Variants in TTC29 observed in about 807,000 individuals in gnomAD.
TTC29 encodes the protein tetratricopeptide repeat protein 29.
TTC29 carries 49 observed loss-of-function variants against 58.1 expected under a neutral mutation model. The ratio of observed to expected loss-of-function variants is 0.84; its 90% CI spans 0.67 to 1.07. TTC29 has a LOEUF of 1.07. TTC29 is among the 50% of genes least tolerant of loss of function. The pLI is 0.00. For synonymous variants in TTC29, 209 were observed against 196.8 expected, an observed-to-expected ratio of 1.06 and a Z score of -0.52; for missense variants, 582 against 555.6, an observed-to-expected ratio of 1.05 and a Z score of -0.48.
At chr4:146,900,559 A>G (rs1733073755) in intron 6 of TTC29, among the ~76,000 whole-genome samples, 1 of 152,210 alleles carries the variant, frequency 6.6e-6, no homozygotes, top group African/African-American at 2.4e-5. Flanking sequence ...TGCCGTGCGT[A>G]CTAACCACAG....
chr4:146,775,392 T>C (rs1337386805), intron 11 of TTC29, among the ~76,000 whole-genome samples: 1 of 152,128 alleles, frequency 6.6e-6, no homozygotes, highest in African/African-American at 2.4e-5. Flanking sequence ...AACAATCTTT[T>C]CTTTCCATAT....
chr4:146,838,055 A>G (rs1184271154), intron 8 of TTC29, among the ~76,000 whole-genome samples: 1 of 152,036 alleles, frequency 6.6e-6, no homozygotes, highest in East Asian at 1.9e-4. Flanking sequence ...AATTGCTCCA[A>G]TAGTTTCAGT....
chr4:146,772,271 A>C (rs1747797147), intron 11 of TTC29, among the ~76,000 whole-genome samples: 1 of 151,970 alleles, frequency 6.6e-6, no homozygotes, highest in Non-Finnish European at 1.5e-5. Flanking sequence ...CCATTTGTCA[A>C]TTTTTATTTT....
At chr4:146,943,652 TTTA>T (rs1484594723) in intron 2 of TTC29, among the ~76,000 whole-genome samples, 1 of 152,202 alleles carries the variant, frequency 6.6e-6, no homozygotes, top group African/African-American at 2.4e-5. Context: ...TGATCTGAAT[TTTA>T]TGACAGAGTT....
chr4:146,885,112 G>C (rs1413991530), intron 6 of TTC29, among the ~76,000 whole-genome samples: 1 of 151,906 alleles, frequency 6.6e-6, no homozygotes, highest in African/African-American at 2.4e-5. Context: ...AGTTTACCCA[G>C]GGCTTTCCTG....
At chr4:146,823,750 A>G (rs1751995695) in intron 9 of TTC29, among the ~76,000 whole-genome samples, 1 of 152,032 alleles carries the variant, frequency 6.6e-6, no homozygotes, top group Non-Finnish European at 1.5e-5. Context: ...ATGTTTCTCC[A>G]TTTGTTTGTT....
chr4:146,815,649 A>T (rs1334605881), intron 10 of TTC29, among the ~76,000 whole-genome samples: 1 of 152,232 alleles, frequency 6.6e-6, no homozygotes, highest in East Asian at 1.9e-4. Flanking sequence ...TGCCTAAATA[A>T]TATTCTAAAG....
In TTC29 at chr4:146,817,766, A is replaced by G. The variant is rs538205424; in HGVS notation, c.1101+2359T>C. ...ATCAATGGAACAGAACAGAGCCCTC[A>G]GAAATAACGCCATGTATCTACAAGT... On this transcript the variant is annotated intron_variant, in intron 10 of 12. Transcript: ENST00000325106. Among the ~76,000 whole-genome samples the G allele has an allele frequency of 2.2e-3, 335 of 152,338 alleles. 1 individual carries two copies. The highest frequency in any genetic ancestry group is 7.7e-3 in the African/African-American group (319 of 41,572).
chr4:146,906,821 A>G (rs1279658060), intron 5 of TTC29, among the ~76,000 whole-genome samples: 1 of 152,200 alleles, frequency 6.6e-6, no homozygotes, highest in Non-Finnish European at 1.5e-5. Context: ...GACTTTGGCT[A>G]TTATAACTTT....
rs577564605 is a variant in TTC29 at position 146,804,737 on chromosome 4, A to G, written c.1102-1052T>C. 2.0e-5 allele frequency among the ~76,000 whole-genome samples: 3 copies of G among 152,308 alleles called. No individual in the cohort carries two copies. The East Asian group carries it at 5.8e-4, about 29-fold the overall frequency. ...TGAAAGAAAGGCAGCAGCCCCAGTC[A>G]GGGGCTTATAGATAAAACTCCCATC... On this transcript the variant is annotated intron_variant, in intron 10 of 12. Transcript: ENST00000325106.
intron 6 of TTC29, among the ~76,000 whole-genome samples, chr4:146,886,661 G>A (rs1732003095): frequency 6.6e-6 from 1 of 152,036 alleles, no homozygotes; most frequent in Non-Finnish European, 1.5e-5. Flanking sequence ...AATTTTTCCT[G>A]GGTGAGTCCT....
intron 8 of TTC29, among the ~76,000 whole-genome samples, chr4:146,840,936 C>G (rs1449363654): frequency 6.6e-6 from 1 of 152,092 alleles, no homozygotes; most frequent in African/African-American, 2.4e-5. Flanking sequence ...AGAAAGTGTG[C>G]TTTAAAAAGC....
chr4:146,727,338 T>C (rs781770832), intron 11 of TTC29, among the ~76,000 whole-genome samples: 2 of 152,218 alleles, frequency 1.3e-5, no homozygotes, highest in Admixed American at 1.3e-4. Flanking sequence ...TGGATGAACC[T>C]ACCTTGACAA....
At chr4:146,875,649 C>A (rs1460162087) in intron 6 of TTC29, among the ~76,000 whole-genome samples, 8 of 152,168 alleles carry the variant, frequency 5.3e-5, no homozygotes, top group Non-Finnish European at 1.5e-5. Flanking sequence ...CTGTTACAAA[C>A]TTCAAATCCA....
At chr4:146,764,557 C>A (rs891373897) in intron 11 of TTC29, among the ~76,000 whole-genome samples, 14 of 151,986 alleles carry the variant, frequency 9.2e-5, no homozygotes, top group African/African-American at 3.4e-4. Flanking sequence ...AGAAAAAAAA[C>A]CTTAAAATAG....
chr4:146,811,810 C>T (rs1441616234), intron 10 of TTC29, among the ~76,000 whole-genome samples: 1 of 152,172 alleles, frequency 6.6e-6, no homozygotes, highest in Non-Finnish European at 1.5e-5. Context: ...AATAGAACTT[C>T]TGTGATCATT....
chr4:146,813,923 G>T (rs536713247), intron 10 of TTC29, among the ~76,000 whole-genome samples: 3 of 152,186 alleles, frequency 2.0e-5, no homozygotes, highest in Non-Finnish European at 4.4e-5. Flanking sequence ...GGCAGAGGTT[G>T]CAGTGAGCTG....
chr4:146,750,363 T>C (rs893568958), intron 11 of TTC29, among the ~76,000 whole-genome samples: 2 of 152,160 alleles, frequency 1.3e-5, no homozygotes, highest in African/African-American at 4.8e-5. Flanking sequence ...GAAAATATAA[T>C]AATTACTATC....
intron 11 of TTC29, among the ~76,000 whole-genome samples, chr4:146,801,714 C>T (rs755665510): frequency 1.3e-4 from 19 of 151,956 alleles, no homozygotes; most frequent in African/African-American, 3.6e-4. Context: ...CAGTGGCTCA[C>T]GCCTGTAATC....
Sources: gnomAD v4.1 joint callset for allele counts (sites outside exome capture counted in the v4.1 genomes callset) on GRCh38, gnomAD v4.1.1 for gene constraint, MANE v1.5 for transcripts, NCBI Gene and HGNC (gene_info 2026-07-23, HGNC 2026-07-21) for gene names.